Variants in BOD1L1 observed in about 807,000 individuals in gnomAD.
The protein encoded by BOD1L1 is biorientation of chromosomes in cell division 1 like 1.
A neutral mutation model predicts 240.7 loss-of-function variants in BOD1L1; 86 were observed. The ratio of observed to expected loss-of-function variants is 0.36; its 90% CI spans 0.30 to 0.43. The LOEUF is 0.43. Ranked by LOEUF, BOD1L1 falls within the 20% of genes least tolerant of loss-of-function variation. The pLI, the probability that BOD1L1 is intolerant of heterozygous loss-of-function variation, is 1.00. For synonymous variants in BOD1L1, 1,268 were observed against 1,272.3 expected (o/e 1.00, Z 0.07); for missense variants, 3,554 against 3,643.5 (o/e 0.98, Z 0.63).
rs369868774 is a variant in BOD1L1, at chr4:13,579,109, G to A, written c.8749+819C>T. ...TTTGCAAGTTTAAAATACCAATGAA[G>A]ATGAAAAAGTTAACCCAATAGAAAT... On this transcript the variant is annotated intron_variant, in intron 22 of 25. Transcript: ENST00000040738. Among the ~76,000 whole-genome samples the A allele has an allele frequency of 2.6e-5, 4 of 152,128 alleles. No homozygotes were observed. In the East Asian group the frequency reaches 5.8e-4, roughly 22 times the overall value.
intron 2 of BOD1L1, among the ~76,000 whole-genome samples, chr4:13,616,984 C>T (rs1046949891): frequency 3.9e-5 from 6 of 152,162 alleles, no homozygotes; most frequent in Non-Finnish European, 7.4e-5. Context: ...TGGTGGCTCA[C>T]GCCTGTAATC....
At chr4:13,590,479 A>G in intron 13 of BOD1L1, 33 bp from the exon 14 acceptor site, 1 of 1,146,812 alleles carries the variant, frequency 8.7e-7, no homozygotes, top group Non-Finnish European at 1.2e-6. Context: ...ATTTATGGAT[A>G]GTCTCACAAA....
Position 13,614,823 on chromosome 4 carries a change from C to G in BOD1L1, c.560-13G>C, listed in dbSNP as rs745319378. 3.2e-6 allele frequency: 5 copies of G among 1,585,852 alleles called. No individual in the cohort carries two copies. In the East Asian group the frequency reaches 1.1e-4, roughly 36 times the overall value. On this transcript the variant is annotated splice_polypyrimidine_tract_variant and intron_variant, in intron 3 of 25. Coordinates refer to ENST00000040738, the MANE Select transcript of BOD1L1 (RefSeq NM_148894.3). Reference sequence around the variant, plus strand: ...GGAGTAGGAACACCTTAAAGAAAAACAGAAGTTTTAGAATACATTTAATCA... The same window carrying G: ...GGAGTAGGAACACCTTAAAGAAAAAGAGAAGTTTTAGAATACATTTAATCA...
At position 13,602,434 on chromosome 4, in the gene BOD1L1, C is replaced by A; in HGVS notation, c.4466G>T (p.Gly1489Val). 6.2e-7 allele frequency: 1 copy of A among 1,613,980 alleles called. No individual in the cohort carries two copies. The highest frequency in any genetic ancestry group is 1.3e-5 in the African/African-American group (1 of 75,046). Reference sequence around the variant, plus strand: ...TTGGTGTAAAACAGAGGGTGCAGAGCCACTTCCAGCACTGGTGTCTACCTC... The same window carrying A: ...TTGGTGTAAAACAGAGGGTGCAGAGACACTTCCAGCACTGGTGTCTACCTC... ...NSEVDTSAGS[G>V]SAPSVLHQRN... Residue 1489 changes from glycine to valine, a missense_variant, in exon 10 of 26, where the codon GGC becomes GTC. Around this residue, in one of 2 missense-constraint regions of BOD1L1, gnomAD observed 3,393 missense variants for 3,427.1 expected, o/e 0.99. Coordinates refer to ENST00000040738, the MANE Select transcript of BOD1L1 (RefSeq NM_148894.3).
At chr4:13,626,939 C>T (rs1286926963) in intron 1 of BOD1L1, among the ~76,000 whole-genome samples, 2 of 152,212 alleles carry the variant, frequency 1.3e-5, no homozygotes. Flanking sequence ...ATTCAATTAC[C>T]ATTTAGTCAT....
At chr4:13,620,971 A>C (rs1480741843) in intron 1 of BOD1L1, among the ~76,000 whole-genome samples, 1 of 152,176 alleles carries the variant, frequency 6.6e-6, no homozygotes, top group Non-Finnish European at 1.5e-5. Context: ...AACTGATGAG[A>C]GTGCTATTGG....
chr4:13,580,890 T>C (rs1577315891), intron 21 of BOD1L1, 130 bp downstream of exon 21: 1 of 784,048 alleles, frequency 1.3e-6, no homozygotes, highest in East Asian at 2.8e-5. Flanking sequence ...TCAAAATATA[T>C]GAATGGTTAC....
At chr4:13,574,791 G>A (rs1392044740) in intron 25 of BOD1L1, among the ~76,000 whole-genome samples, 14 of 152,196 alleles carry the variant, frequency 9.2e-5, no homozygotes, top group African/African-American at 2.4e-4. Flanking sequence ...AACTTTAGCC[G>A]TGTGAGCTTC....
rs73231584 is a variant in BOD1L1, at chr4:13,613,282, C to A, written c.1324+230G>T. Among the ~76,000 whole-genome samples the A allele has an allele frequency of 0.11, 17,247 of 152,088 alleles. 1,288 individuals are homozygous for A. The highest frequency in any genetic ancestry group is 0.22 in the Middle Eastern group (65 of 290). ...TCTAAATTTTAAATTAATAATAATACTAGGGGATAGAGTTAAGGAATGAAG... is the reference window on the plus strand; with the variant it reads ...TCTAAATTTTAAATTAATAATAATAATAGGGGATAGAGTTAAGGAATGAAG... On this transcript the variant is annotated intron_variant, in intron 5 of 25. Transcript: ENST00000040738. This position sits in a 1 kb window ranked among gnomAD's most constrained non-coding sequence, Gnocchi z 4.0.
rs368476905 is a variant in BOD1L1 at position 13,602,383 on chromosome 4, G to A, written c.4517C>T (p.Ala1506Val). Residue 1506 changes from alanine (A) to valine (V), a missense_variant, in exon 10 of 26, where the codon GCA becomes GTA. By Grantham distance (64) the Ala-to-Val change is moderately conservative. Around this residue, in one of 2 missense-constraint regions of BOD1L1, gnomAD observed 3,393 missense variants for 3,427.1 expected, o/e 0.99. Transcript: ENST00000040738. ...HQRNGQTEDV[A>V]TGPRRAEKTS... ...CTTTTCTGCTCTCCTAGGCCCAGTT[G>A]CCACATCCTCAGTTTGTCCGTTCCT... 5.1e-5 allele frequency: 82 copies of A among 1,613,780 alleles called. No homozygotes were observed. The highest frequency in any genetic ancestry group is 4.2e-5 in the Non-Finnish European group (50 of 1,179,868).
At chr4:13,618,467 C>T (rs76902400) in intron 2 of BOD1L1, among the ~76,000 whole-genome samples, 2 of 152,206 alleles carry the variant, frequency 1.3e-5, no homozygotes, top group East Asian at 1.9e-4. Flanking sequence ...CTACAGGCAG[C>T]GGGCCTGTCA....
At chr4:13,590,779 T>C (rs1436205938) in intron 13 of BOD1L1, among the ~76,000 whole-genome samples, 3 of 152,214 alleles carry the variant, frequency 2.0e-5, no homozygotes, top group Non-Finnish European at 4.4e-5. Context: ...TTTTTCTTTA[T>C]TTAAAAACTC....
In BOD1L1 at chr4:13,605,582, T is replaced by C. The variant is rs192332527; in HGVS notation, c.1816-498A>G. On this transcript the variant is annotated intron_variant, in intron 9 of 25. Transcript: ENST00000040738. ...ACTGATTTGTCTATGAATTCTTCAA[T>C]TCTGAATCACTAGAACTCACTAATG... Among the ~76,000 whole-genome samples the C allele has an allele frequency of 8.5e-5, 13 of 152,306 alleles. No homozygotes were observed. In the East Asian group the frequency reaches 2.1e-3, roughly 25 times the overall value.
intron 25 of BOD1L1, chr4:13,572,746 C>A (rs1210891203): frequency 1.6e-6 from 2 of 1,289,650 alleles, no homozygotes; most frequent in Admixed American, 4.6e-5. Context: ...TGGTAGGTAA[C>A]TTCTCTTTTG....
Position 13,605,022 on chromosome 4 carries a change from T to C in BOD1L1, c.1878A>G (p.Glu626=), listed in dbSNP as rs531586027. 3.1e-6 allele frequency: 5 copies of C among 1,603,610 alleles called. No homozygotes were observed. Among genetic ancestry groups the C allele is most frequent in the Non-Finnish European group, 3.4e-6 (4 of 1,177,226 alleles). ...AAAGTCTCCGGGCAGGTTTACTTGG[T>C]TCACTTTTTGCATGAACATGCTTCA... ...KELKHVHAKS[E]PSKPARRLSE... is the part of the protein sequence containing the mutation. The change falls in exon 10 of 26, where the codon GAA becomes GAG. Residue 626 remains glutamate (E), a synonymous_variant. Coordinates refer to ENST00000040738, the MANE Select transcript of BOD1L1 (RefSeq NM_148894.3).
intron 2 of BOD1L1, among the ~76,000 whole-genome samples, chr4:13,616,054 C>T (rs927570261): frequency 2.6e-5 from 4 of 152,174 alleles, no homozygotes; most frequent in Admixed American, 2.6e-4. Context: ...AGACTTCTGG[C>T]TTTCTATTAT....
In BOD1L1 at chr4:13,604,321, T is replaced by C. The variant is rs779617368; in HGVS notation, c.2579A>G (p.His860Arg). The C allele has an allele frequency of 2.2e-5, 35 of 1,593,010 alleles. No homozygotes were observed. Among genetic ancestry groups the C allele is most frequent in the South Asian group, 4.7e-5 (4 of 85,668 alleles). Reference protein sequence around the residue: ...IQKDSLGSKQHGITLQRRSES... With the variant: ...IQKDSLGSKQRGITLQRRSES... ...ACTTCTTCTCTGTAATGTGATACCA[T>C]GTTGCTTGGAACCCAGAGAATCTTT... The change falls in exon 10 of 26, where the codon CAT (histidine) becomes CGT (arginine). Residue 860 changes from histidine (H) to arginine (R), a missense_variant. This residue lies in a region of BOD1L1 where 3,393 missense variants were observed against 3,427.1 expected (regional missense o/e 0.99). Transcript: ENST00000040738.
rs934559330 is a variant in BOD1L1, at chr4:13,599,751, G to A, written c.7149C>T (p.Asn2383=). The A allele has an allele frequency of 3.1e-6, 5 of 1,613,860 alleles. No individual in the cohort carries two copies. Among genetic ancestry groups the A allele is most frequent in the Non-Finnish European group, 4.2e-6 (5 of 1,179,904 alleles). ...VPMPSLIAEN[N]CRCPGPVRGG... Reference sequence around the variant, plus strand: ...CCCTGACTGGCCCAGGACACCGACAGTTATTCTCAGCAATTAGGCTGGGCA... The same window carrying A: ...CCCTGACTGGCCCAGGACACCGACAATTATTCTCAGCAATTAGGCTGGGCA... The change falls in exon 10 of 26, where the codon AAC becomes AAT. Residue 2383 remains asparagine, a synonymous_variant. Transcript: ENST00000040738.
At chr4:13,619,741 C>T (rs1716903690) in intron 2 of BOD1L1, among the ~76,000 whole-genome samples, 1 of 152,122 alleles carries the variant, frequency 6.6e-6, no homozygotes, top group African/African-American at 2.4e-5. Context: ...TAGGAACAAT[C>T]AGACTGTTAA....
Sources: allele counts gnomAD v4.1 joint callset (sites outside exome capture counted in the v4.1 genomes callset), GRCh38; gene constraint gnomAD v4.1.1; regional missense constraint gnomAD v4.1.1; non-coding constraint Gnocchi (gnomAD v3.1); transcripts MANE v1.5; gene names NCBI Gene and HGNC (gene_info 2026-07-23, HGNC 2026-07-21).